Variants in MALRD1 observed in about 807,000 individuals in gnomAD.
MALRD1 encodes the protein MAM and LDL-receptor class A domain-containing protein 1.
In MALRD1, 247 loss-of-function variants were observed where a neutral mutation model predicts 242.1. That is an observed-to-expected ratio of 1.02 (90% CI 0.92 to 1.13). The LOEUF (loss-of-function observed/expected upper bound fraction) is 1.13. MALRD1 is among the 50% of genes most tolerant of loss of function. The pLI, the probability that MALRD1 is intolerant of heterozygous loss-of-function variation, is 0.00. For synonymous variants in MALRD1, 995 were observed against 866.6 expected, an observed-to-expected ratio of 1.15 and a Z score of -2.60; for missense variants, 2,989 against 2,533.1, an observed-to-expected ratio of 1.18 and a Z score of -3.86.
At chr10:19,158,456 C>T (rs543554881) in intron 12 of MALRD1, among the ~76,000 whole-genome samples, 2 of 152,268 alleles carry the variant, frequency 1.3e-5, no homozygotes, top group East Asian at 1.9e-4. Context: ...TAGGTTGGAT[C>T]CCAAAGTAAA....
chr10:19,523,005 TTATATC>T (rs1490207804), intron 31 of MALRD1, among the ~76,000 whole-genome samples: 3 of 152,208 alleles, frequency 2.0e-5, no homozygotes, highest in Admixed American at 6.5e-5. Flanking sequence ...AGAATCATCT[TTATATC>T]TATTCTCTAA....
At chr10:19,694,753 C>G (rs554484669) in intron 38 of MALRD1, among the ~76,000 whole-genome samples, 18 of 152,280 alleles carry the variant, frequency 1.2e-4, no homozygotes, top group African/African-American at 4.3e-4. Context: ...AATCATGCTG[C>G]TATAAAGACA....
chr10:19,605,567 A>T, intron 34 of MALRD1, among the ~76,000 whole-genome samples: 1 of 150,758 alleles, frequency 6.6e-6, no homozygotes, highest in African/African-American at 2.4e-5. Flanking sequence ...GTACTCACTG[A>T]ACCAATAGAA....
intron 24 of MALRD1, among the ~76,000 whole-genome samples, chr10:19,345,559 GA>G (rs566899492): frequency 0.024 from 3,514 of 148,438 alleles, 95 homozygotes; most frequent in African/African-American, 0.07. Flanking sequence ...TCTATTCTAG[GA>G]AAAAAAAAAT....
chr10:19,530,400 A>ATATAAAT lies in MALRD1; in HGVS notation c.5321-793_5321-792insATAAATT, dbSNP rs1564417264. ...ATAAATATTATATATTTATATAAAT[A>ATATAAAT]TTATATATTTATATAATAATAAATA... is the stretch of plus-strand genomic sequence containing the variant. On this transcript the variant is annotated intron_variant, in intron 31 of 39. Transcript: ENST00000454679. Among the ~76,000 whole-genome samples, 38 of 84,174 alleles carry ATATAAAT rather than the reference A, an allele frequency of 4.5e-4. 1 individual carries two copies. The highest frequency in any genetic ancestry group is 1.9e-3 in the East Asian group (7 of 3,624). The allele number at this position is 84,174 out of a possible 152,430, so 55.2% of individuals were successfully genotyped here. A position where few individuals can be genotyped will look rare whatever the true frequency, so the allele number is the denominator to read the frequency against.
At chr10:19,671,060 T>G (rs1841899443) in intron 36 of MALRD1, among the ~76,000 whole-genome samples, 2 of 151,892 alleles carry the variant, frequency 1.3e-5, no homozygotes, top group Non-Finnish European at 2.9e-5. Flanking sequence ...TTTATTTTTA[T>G]TTTTATTTTT....
intron 21 of MALRD1, among the ~76,000 whole-genome samples, chr10:19,298,728 G>A (rs1371714539): frequency 6.6e-6 from 1 of 151,984 alleles, no homozygotes; most frequent in Non-Finnish European, 1.5e-5. Flanking sequence ...CAGCATGAGC[G>A]GGTGAGAAGT....
At chr10:19,407,928 C>T (rs1324558542) in intron 28 of MALRD1, among the ~76,000 whole-genome samples, 1 of 152,100 alleles carries the variant, frequency 6.6e-6, no homozygotes, top group Non-Finnish European at 1.5e-5. Context: ...TTGAAACACC[C>T]TGAAAATGGG....
intron 28 of MALRD1, among the ~76,000 whole-genome samples, chr10:19,412,408 A>C (rs943035411): frequency 2.6e-5 from 4 of 152,242 alleles, no homozygotes; most frequent in Non-Finnish European, 5.9e-5. Flanking sequence ...AAACCCCATC[A>C]ACCAGAAAGG....
At chr10:19,334,210 G>C (rs1843511934) in intron 24 of MALRD1, among the ~76,000 whole-genome samples, 1 of 110,734 alleles carries the variant, frequency 9.0e-6, no homozygotes, top group Admixed American at 1.2e-4. Flanking sequence ...AATTGCTTTT[G>C]ATGATTTAGT....
At chr10:19,519,152 T>C (rs1833769884) in intron 31 of MALRD1, among the ~76,000 whole-genome samples, 1 of 152,160 alleles carries the variant, frequency 6.6e-6, no homozygotes, top group South Asian at 2.1e-4. Flanking sequence ...AAATTTTTCA[T>C]CAGTATATAC....
At chr10:19,471,255 A>G (rs1836477630) in intron 29 of MALRD1, among the ~76,000 whole-genome samples, 1 of 151,684 alleles carries the variant, frequency 6.6e-6, no homozygotes, top group Admixed American at 6.6e-5. Flanking sequence ...GTATGGGCTT[A>G]TTTCTGGGCT....
chr10:19,053,413 G>A (rs1834566991), intron 1 of MALRD1, among the ~76,000 whole-genome samples: 2 of 152,128 alleles, frequency 1.3e-5, no homozygotes, highest in Admixed American at 1.3e-4. Context: ...TGGTGCTGCT[G>A]CTGCTTCTCA....
intron 13 of MALRD1, among the ~76,000 whole-genome samples, chr10:19,171,471 TACAC>T (rs1193030858): frequency 1.4e-5 from 2 of 142,472 alleles, no homozygotes; most frequent in Non-Finnish European, 1.5e-5. Flanking sequence ...CACATGTATA[TACAC>T]ACACACATAT....
chr10:19,056,763 G>C (rs1834681538), intron 1 of MALRD1, among the ~76,000 whole-genome samples: 1 of 152,066 alleles, frequency 6.6e-6, no homozygotes, highest in Non-Finnish European at 1.5e-5. Flanking sequence ...TTTTGTCCCT[G>C]ATCTTAGCAA....
At chr10:19,697,745 T>C (rs1833444664) in intron 38 of MALRD1, among the ~76,000 whole-genome samples, 1 of 152,156 alleles carries the variant, frequency 6.6e-6, no homozygotes, top group African/African-American at 2.4e-5. Context: ...CTTCTATTTC[T>C]CTCATTTTCT....
intron 19 of MALRD1, among the ~76,000 whole-genome samples, chr10:19,279,533 A>C (rs1020561353): frequency 2.0e-5 from 3 of 152,232 alleles, no homozygotes; most frequent in African/African-American, 7.2e-5. Flanking sequence ...GTAATTTCAG[A>C]AATTGTAATC....
Position 19,285,613 on chromosome 10 carries a change from T to A in MALRD1, c.3419+2432T>A, listed in dbSNP as rs1841073363. 2.0e-5 allele frequency among the ~76,000 whole-genome samples: 3 copies of A among 150,184 alleles called. No individual in the cohort carries two copies. In the South Asian group the frequency reaches 6.4e-4, roughly 32 times the overall value. On this transcript the variant is annotated intron_variant, in intron 21 of 39. Transcript: ENST00000454679. ...CTCTGTTCTGTTCCATTGGTCTATA[T>A]CTCTGTTTTGGTACCAGTACCGTGC...
At chr10:19,247,374 G>A (rs1839106199) in intron 18 of MALRD1, among the ~76,000 whole-genome samples, 2 of 151,960 alleles carry the variant, frequency 1.3e-5, no homozygotes, top group Admixed American at 1.3e-4. Context: ...AAATATTCAA[G>A]GATAACTTGG....
Sources: gnomAD v4.1 joint callset for allele counts (sites outside exome capture counted in the v4.1 genomes callset) on GRCh38, gnomAD v4.1.1 for gene constraint, MANE v1.5 for transcripts, NCBI Gene and HGNC (gene_info 2026-07-23, HGNC 2026-07-21) for gene names.